Variants in OCRL observed in about 807,000 individuals in gnomAD.
OCRL encodes inositol polyphosphate 5-phosphatase OCRL.
A neutral mutation model predicts 78.9 loss-of-function variants in OCRL; 8 were observed. The ratio of observed to expected loss-of-function variants is 0.10; its 90% CI spans 0.06 to 0.18. The LOEUF is 0.18. OCRL is among the 10% of genes least tolerant of loss of function. OCRL has a pLI of 1.00. For synonymous variants in OCRL, 240 were observed against 235.4 expected (o/e 1.02, Z -0.18); for missense variants, 454 against 696.7 (o/e 0.65, Z 3.92).
chrX:129,558,255 C>G (rs1420773581), intron 6 of OCRL, among the ~76,000 whole-genome samples: 1 of 111,957 alleles, frequency 8.9e-6, no homozygotes, highest in Non-Finnish European at 1.9e-5. Context: ...CTCAACAACT[C>G]TGAACTTCCC....
intron 18 of OCRL, among the ~76,000 whole-genome samples, chrX:129,582,937 A>G (rs1321725625): frequency 9.0e-6 from 1 of 111,325 alleles, no homozygotes; most frequent in Admixed American, 9.6e-5. Context: ...CCTTTTACCT[A>G]GCAGAACTAA....
intron 2 of OCRL, among the ~76,000 whole-genome samples, chrX:129,542,523 A>G (rs147993376): frequency 1.1e-3 from 117 of 110,702 alleles, no homozygotes; most frequent in African/African-American, 3.7e-3. Flanking sequence ...CTAACATTCA[A>G]TGGCTGCTTA....
chrX:129,564,484 A>G (rs1337708519), intron 12 of OCRL, among the ~76,000 whole-genome samples: 18 of 110,962 alleles, frequency 1.6e-4, no homozygotes, highest in African/African-American at 6.0e-4. Context: ...ATGTCCAACA[A>G]TGATAGACTG....
At position 129,557,889 on chromosome X, in the gene OCRL, A is replaced by G. The variant is rs1266098250; in HGVS notation, c.378A>G (p.Gln126=). The part of the protein sequence containing the change: ...KAQSQLLVPE[Q]KDSSSWYQKL... ...AGTCACAGCTTCTTGTTCCAGAGCAAAAGGACTCATCTAGCTGGTACCAGA... is the reference window on the plus strand; with the variant it reads ...AGTCACAGCTTCTTGTTCCAGAGCAGAAGGACTCATCTAGCTGGTACCAGA... The change falls in exon 6 of 24, where the codon CAA becomes CAG. Residue 126 remains glutamine, a synonymous_variant. Coordinates refer to ENST00000371113, the MANE Select transcript of OCRL (RefSeq NM_000276.4). 1 of 1,205,295 alleles carries G rather than the reference A, an allele frequency of 8.3e-7. No individual in the cohort carries two copies. Among genetic ancestry groups the G allele is most frequent in the Non-Finnish European group, 1.1e-6 (1 of 889,320 alleles).
Position 129,561,251 on chromosome X carries a change from G to A in OCRL, c.897G>A (p.Met299Ile), listed in dbSNP as rs138260625. 1.6e-3 allele frequency: 1,963 copies of A among 1,205,463 alleles called. 34 individuals are homozygous for A. The Admixed American group carries it at 0.041, about 25-fold the overall frequency. Reference protein sequence around the residue: ...FESVKEQEWSMAVERGLHSKA... With the variant: ...FESVKEQEWSIAVERGLHSKA... ...CTGTGAAGGAACAAGAATGGTCCATGGCTGTAGAGAGAGGTTTGCATTCCA... is the reference window on the plus strand; with the variant it reads ...CTGTGAAGGAACAAGAATGGTCCATAGCTGTAGAGAGAGGTTTGCATTCCA... The change falls in exon 10 of 24, where the codon ATG becomes ATA. Residue 299 changes from methionine (M) to isoleucine (I), a missense_variant. Transcript: ENST00000371113.
chrX:129,540,658 G>GC, intron 1 of OCRL, 86 bp from the exon 2 acceptor site: 7 of 791,461 alleles, frequency 8.8e-6, no homozygotes, highest in South Asian at 6.5e-5. Context: ...CGGCGGTGGG[G>GC]GGGGGGTGGA....
intron 18 of OCRL, among the ~76,000 whole-genome samples, chrX:129,581,467 G>A (rs1936437962): frequency 1.8e-5 from 2 of 110,855 alleles, no homozygotes; most frequent in African/African-American, 3.3e-5. Context: ...TACTAATAAA[G>A]GTTAAGTGAT....
In OCRL at chrX:129,587,247, C is replaced by G. The variant is rs925686331; in HGVS notation, c.2256+129C>G. On this transcript the variant is annotated intron_variant, in intron 20 of 23. Coordinates refer to ENST00000371113, the MANE Select transcript of OCRL (RefSeq NM_000276.4). ...CCTGCACACAGTGGCACTGTCAGAT[C>G]GACTGGGTGGGTGGAAGTGTCCTAG... 1.3e-5 allele frequency: 7 copies of G among 529,197 alleles called. No individual in the cohort carries two copies. The African/African-American group carries it at 1.6e-4, about 12-fold the overall frequency. The allele number at this position is 529,197 out of a possible 1,213,427, so 43.6% of individuals were successfully genotyped here.
intron 8 of OCRL, among the ~76,000 whole-genome samples, chrX:129,559,862 G>A (rs776292645): frequency 2.3e-3 from 260 of 111,591 alleles, no homozygotes; most frequent in African/African-American, 8.3e-3. Flanking sequence ...TATCGCCAAT[G>A]CATGAAGCAA....
chrX:129,589,001 G>A lies in OCRL; in HGVS notation c.2457G>A (p.Arg819=). ...QRCLDSAYDP[R]ICRQVISQLP... is the part of the protein sequence containing the mutation. ...GTCTTGACTCTGCTTATGATCCCCG[G>A]ATCTGCCGACAGGTGGGTTCTACTG... Residue 819 remains arginine (R), a synonymous_variant, in exon 22 of 24, where the codon CGG becomes CGA. Coordinates refer to ENST00000371113, the MANE Select transcript of OCRL (RefSeq NM_000276.4). The A allele has an allele frequency of 8.3e-7, 1 of 1,211,596 alleles. No individual in the cohort carries two copies. The highest frequency in any genetic ancestry group is 1.1e-6 in the Non-Finnish European group (1 of 895,404).
intron 4 of OCRL, chrX:129,554,275 A>C (rs191355953): frequency 9.0e-6 from 1 of 111,464 alleles, no homozygotes; most frequent in East Asian, 2.8e-4. Context: ...GACAAAATCC[A>C]GGGTATAACT....
intron 9 of OCRL, 46 bp downstream of exon 9, chrX:129,560,697 T>C: frequency 2.3e-6 from 2 of 883,043 alleles, no homozygotes; most frequent in South Asian, 4.0e-5. Flanking sequence ...TGTTTGGTGT[T>C]CATTTACATG....
chrX:129,577,267 G>C (rs975600158), intron 18 of OCRL, among the ~76,000 whole-genome samples: 1 of 111,373 alleles, frequency 9.0e-6, no homozygotes, highest in Non-Finnish European at 1.9e-5. Flanking sequence ...AATGTGATGT[G>C]CTTAAGAAAG....
At position 129,591,683 on chromosome X, in the gene OCRL, C is replaced by A. The variant is rs768900201; in HGVS notation, c.*1413C>A. On this transcript the variant is annotated 3_prime_UTR_variant, in exon 24 of 24. Transcript: ENST00000371113. ...CCTGGGCATTGACTCTGTGACATTT[C>A]TAGCATATCCAAGGCACCACCAGTG... 9.1e-6 allele frequency: 1 copy of A among 109,738 alleles called. No individual in the cohort carries two copies. The highest frequency in any genetic ancestry group is 2.9e-4 in the East Asian group (1 of 3,486). The allele number at this position is 109,738 out of a possible 1,213,427, so 9.0% of individuals were successfully genotyped here. A position where few individuals can be genotyped will look rare whatever the true frequency, so the allele number is the denominator to read the frequency against.
intron 12 of OCRL, among the ~76,000 whole-genome samples, chrX:129,564,546 AAAT>A (rs1269127326): frequency 1.8e-5 from 2 of 111,379 alleles, no homozygotes; most frequent in African/African-American, 6.6e-5. Context: ...CAGCCATAAA[AAAT>A]GATGAGCTCA....
intron 3 of OCRL, among the ~76,000 whole-genome samples, chrX:129,547,040 G>A (rs993415876): frequency 4.9e-4 from 54 of 110,227 alleles, no homozygotes; most frequent in African/African-American, 1.6e-3. Flanking sequence ...GCAACATTGC[G>A]AGACCCCATC....
At chrX:129,589,034 G>A in intron 22 of OCRL, 21 bp downstream of exon 22, 1 of 1,210,555 alleles carries the variant, frequency 8.3e-7, no homozygotes, top group Non-Finnish European at 1.1e-6. Context: ...CTGACCTGGG[G>A]ATGTGTTTGA....
chrX:129,561,861 A>G (rs72614121), intron 10 of OCRL, among the ~76,000 whole-genome samples: 3,318 of 112,000 alleles, frequency 0.03, 123 homozygotes, highest in East Asian at 0.22. Flanking sequence ...ATTTTTCTCT[A>G]CATCTTCTAA....
intron 18 of OCRL, among the ~76,000 whole-genome samples, chrX:129,583,114 A>C (rs1936466496): frequency 9.0e-6 from 1 of 111,666 alleles, no homozygotes; most frequent in Non-Finnish European, 1.9e-5. Flanking sequence ...AAATATTACT[A>C]TCCCTATTTT....
Sources: gnomAD v4.1 joint callset for allele counts (sites outside exome capture counted in the v4.1 genomes callset) on GRCh38, gnomAD v4.1.1 for gene constraint, MANE v1.5 for transcripts, NCBI Gene and HGNC (gene_info 2026-07-23, HGNC 2026-07-21) for gene names.